The following UNKL variants were observed in gnomAD, a reference collection of about 807,000 sequenced individuals.
UNKL encodes the protein unk like zinc finger, also known as putative E3 ubiquitin-protein ligase UNKL.
In UNKL, 60 loss-of-function variants were observed where a neutral mutation model predicts 78.0. That is an observed-to-expected ratio of 0.77 (90% CI 0.63 to 0.95). UNKL has a LOEUF of 0.95. Ranked by LOEUF, UNKL falls within the 40% of genes least tolerant of loss-of-function variation. The probability of loss-of-function intolerance (pLI) is 0.00; values close to 1 mark genes in which losing one functional copy is unlikely to be tolerated. For synonymous variants in UNKL, 608 were observed against 474.8 expected (o/e 1.28, Z -3.65); for missense variants, 1,159 against 1,045.7 (o/e 1.11, Z -1.49).
rs771207208 is a variant in UNKL at position 1,367,117 on chromosome 16, C to T, written c.2021G>A (p.Arg674His). Reference protein sequence around the residue: ...PKLHSLQSQLRLDLEAVDGVI... With the variant: ...PKLHSLQSQLHLDLEAVDGVI... ...GCCGTCCACCGCCTCCAGGTCCAGG[C>T]GCAGCTGACTCTGCAGCGAGTGCAG... The change falls in exon 14 of 15, where the codon CGC becomes CAC. Residue 674 changes from arginine to histidine, a missense_variant. Physicochemically the swap from Arg to His is conservative, Grantham distance 29 (BLOSUM62 0). Coordinates refer to ENST00000389221, the MANE Select transcript of UNKL (RefSeq NM_001372107.1). 8 of 1,584,154 alleles carry T rather than the reference C, an allele frequency of 5.1e-6. No individual in the cohort carries two copies. In the South Asian group the frequency reaches 8.1e-5, roughly 16 times the overall value.
rs117457780 is a variant in UNKL at position 1,369,103 on chromosome 16, T to C, written c.1585+1027A>G. Among the ~76,000 whole-genome samples, 305 of 127,896 alleles carry C rather than the reference T, an allele frequency of 2.4e-3. 10 individuals are homozygous for C. The East Asian group carries it at 0.075, about 32-fold the overall frequency. 83.9% of individuals were successfully genotyped at this position (127,896 alleles called of 152,430 possible). ...TTTTTTGAAATGGAGTCTAGCTCTATCGCCAGGCTGGATTGGAGTGCAGTG... is the reference window on the plus strand; with the variant it reads ...TTTTTTGAAATGGAGTCTAGCTCTACCGCCAGGCTGGATTGGAGTGCAGTG... On this transcript the variant is annotated intron_variant, in intron 12 of 14. Coordinates refer to ENST00000389221, the MANE Select transcript of UNKL (RefSeq NM_001372107.1).
chr16:1,414,457 G>A (rs1171421679), intron 1 of UNKL, among the ~76,000 whole-genome samples, 158 bp downstream of exon 1: 1 of 151,294 alleles, frequency 6.6e-6, no homozygotes, highest in African/African-American at 2.4e-5. Context: ...CCGACCTCAG[G>A]CGGAGGCCGC....
At chr16:1,395,165 A>AT (rs35706255) in intron 6 of UNKL, among the ~76,000 whole-genome samples, 2,264 of 105,536 alleles carry the variant, frequency 0.021, 33 homozygotes, top group African/African-American at 0.036. Context: ...CGGTCTGTTC[A>AT]TTTTTTTTTT....
At chr16:1,369,848 G>T in intron 12 of UNKL, 1 of 1,180,396 alleles carries the variant, frequency 8.5e-7, no homozygotes, top group Non-Finnish European at 1.2e-6. Flanking sequence ...GGTGGCGCCC[G>T]CCTGTAGTCC....
intron 10 of UNKL, chr16:1,379,647 G>A (rs956655080): frequency 8.1e-6 from 8 of 984,498 alleles, no homozygotes; most frequent in African/African-American, 3.5e-5. Flanking sequence ...CTGACTCACG[G>A]TCCGCGGCCG....
At chr16:1,366,714 C>A (rs1313327486) in intron 14 of UNKL, among the ~76,000 whole-genome samples, 2 of 152,222 alleles carry the variant, frequency 1.3e-5, no homozygotes, top group East Asian at 1.9e-4. Flanking sequence ...ACCCTCTGTC[C>A]TATAGCAGCG....
In UNKL at chr16:1,414,536, G is replaced by C. The variant is rs2038193778; in HGVS notation, c.77+79C>G. On this transcript the variant is annotated intron_variant, in intron 1 of 14. Transcript: ENST00000389221. ...GAGGCCGGGGGGCGCGGGGGCGGCG[G>C]AGGCGGCGCGAGCCCCGGCGGGAGG... The C allele has an allele frequency of 6.8e-6, 3 of 441,486 alleles. No individual in the cohort carries two copies. In the South Asian group the frequency reaches 2.7e-4, roughly 40 times the overall value. The allele number at this position is 441,486 out of a possible 1,614,324, so 27.3% of individuals were successfully genotyped here.
chr16:1,410,119 C>T (rs113389847), intron 2 of UNKL, among the ~76,000 whole-genome samples: 1,714 of 152,062 alleles, frequency 0.011, 32 homozygotes, highest in African/African-American at 0.039. Context: ...GATGCTTTCT[C>T]GCCGGGTGCA....
At position 1,401,641 on chromosome 16, in the gene UNKL, C is replaced by A; in HGVS notation, c.525G>T (p.Pro175=). ...NGQLGGGEGV[P]DLQPGVLASQ... ...TGGCCAAGACCCCAGGCTGCAGATC[C>A]GGGACCCCTTCCCCGCCGCCCAGCT... The change falls in exon 4 of 15, where the codon CCG becomes CCT. Residue 175 remains proline (P), a synonymous_variant. Transcript: ENST00000389221. The A allele has an allele frequency of 6.2e-7, 1 of 1,611,926 alleles. No homozygotes were observed. The highest frequency in any genetic ancestry group is 8.5e-7 in the Non-Finnish European group (1 of 1,179,250).
Position 1,399,140 on chromosome 16 carries a change from G to A in UNKL, c.734+234C>T, listed in dbSNP as rs2037402646. 5 of 1,120,490 alleles carry A rather than the reference G, an allele frequency of 4.5e-6. No individual in the cohort carries two copies. The South Asian group carries it at 8.3e-5, about 19-fold the overall frequency. 69.4% of individuals were successfully genotyped at this position (1,120,490 alleles called of 1,614,324 possible). On this transcript the variant is annotated intron_variant, in intron 5 of 14. Coordinates refer to ENST00000389221, the MANE Select transcript of UNKL (RefSeq NM_001372107.1). The surrounding 1 kb of genome is among the most constrained non-coding windows in gnomAD (Gnocchi z 5.8). ...TTGCCTGGCAGAGGGGCCCCGGTAG[G>A]GGACTGCATGGGAGACACTGAGCGT...
In UNKL at chr16:1,394,174, C is replaced by T. The variant is rs764536679; in HGVS notation, c.894G>A (p.Gly298=). The T allele has an allele frequency of 6.4e-7, 1 of 1,550,620 alleles. No individual in the cohort carries two copies. Among genetic ancestry groups the T allele is most frequent in the African/African-American group, 1.4e-5 (1 of 73,062 alleles). ...CACAGAAGGGGCCGCGCGGGCAGTA[C>T]CCGGTTTGGCGCATGTCGTTGCATT... is the stretch of plus-strand genomic sequence containing the variant. ...STKCNDMRQT[G]YCPRGPFCAF... Residue 298 remains glycine (G), a synonymous_variant, in exon 7 of 15, where the codon GGG becomes GGA. Coordinates refer to ENST00000389221, the MANE Select transcript of UNKL (RefSeq NM_001372107.1).
In UNKL at chr16:1,363,869, T is replaced by TC. The variant is rs1383083536; in HGVS notation, c.*2370dup. ...AGGTGCCACCTCCATCTCCCAGCTG[T>TC]CCCCCCACCCCTGGGGCTCCCCAGC... On this transcript the variant is annotated 3_prime_UTR_variant, in exon 15 of 15. Coordinates refer to ENST00000389221, the MANE Select transcript of UNKL (RefSeq NM_001372107.1). 2.0e-5 allele frequency: 3 copies of TC among 151,776 alleles called. No homozygotes were observed. The highest frequency in any genetic ancestry group is 2.4e-5 in the African/African-American group (1 of 41,232). The allele number at this position is 151,776 out of a possible 1,614,324, so 9.4% of individuals were successfully genotyped here. A position where few individuals can be genotyped will look rare whatever the true frequency, so the allele number is the denominator to read the frequency against.
At chr16:1,406,567 T>C (rs574351233) in intron 2 of UNKL, among the ~76,000 whole-genome samples, 1 of 152,206 alleles carries the variant, frequency 6.6e-6, no homozygotes, top group East Asian at 1.9e-4. Flanking sequence ...CCCAAACTCC[T>C]GGGCTCAAGC....
chr16:1,367,842 G>C lies in UNKL; in HGVS notation c.1602C>G (p.Pro534=). The change falls in exon 13 of 15, where the codon CCC becomes CCG. Residue 534 remains proline, a synonymous_variant. Transcript: ENST00000389221. ...SYSPLGLNGV[P]GSIWDFVSGS... is the part of the protein sequence containing the mutation. ...CGGAAACAAAGTCCCAGATGCTCCC[G>C]GGGACACCGTTCAAACCTGAGTGTG... 1 of 1,571,046 alleles carries C rather than the reference G, an allele frequency of 6.4e-7. No individual in the cohort carries two copies. Among genetic ancestry groups the C allele is most frequent in the Non-Finnish European group, 8.6e-7 (1 of 1,159,220 alleles).
chr16:1,392,988 G>T lies in UNKL; in HGVS notation c.938-12C>A. The T allele has an allele frequency of 6.4e-7, 1 of 1,550,422 alleles. No homozygotes were observed. Among genetic ancestry groups the T allele is most frequent in the Non-Finnish European group, 8.7e-7 (1 of 1,146,940 alleles). ...CATCCCCAGGCTCTCTGCAAGGACA[G>T]GGGAGCAGCAGACTCTGAGGGCCGC... On this transcript the variant is annotated splice_polypyrimidine_tract_variant and intron_variant, in intron 7 of 14. Coordinates refer to ENST00000389221, the MANE Select transcript of UNKL (RefSeq NM_001372107.1).
chr16:1,390,646 G>A lies in UNKL; in HGVS notation c.1072C>T (p.Gln358Ter). The A allele has an allele frequency of 6.5e-7, 1 of 1,536,046 alleles. No homozygotes were observed. Among genetic ancestry groups the A allele is most frequent in the Non-Finnish European group, 8.7e-7 (1 of 1,146,880 alleles). Residue 358 changes from glutamine (Q) to a stop codon, truncating the protein, a stop_gained, in exon 9 of 15, where the codon CAA (glutamine) becomes TAA (stop). Coordinates refer to ENST00000389221, the MANE Select transcript of UNKL (RefSeq NM_001372107.1). LOFTEE classifies it high-confidence loss of function. ...GGGGCCTGTACCTGCTTGCTGTCTT[G>A]CTCGCTGCCCCTAGGGCCACCCTCG... The part of the protein sequence containing the change: ...PAEGGPRGSE[Q>*]DSKQNHLAVF...
intron 2 of UNKL, among the ~76,000 whole-genome samples, chr16:1,410,600 C>A (rs1248491717): frequency 6.6e-6 from 1 of 152,144 alleles, no homozygotes; most frequent in Non-Finnish European, 1.5e-5. Flanking sequence ...TAGAGTGCTG[C>A]CAATCAGTGC....
At chr16:1,380,828 C>T (rs957468153) in intron 10 of UNKL, among the ~76,000 whole-genome samples, 1 of 152,082 alleles carries the variant, frequency 6.6e-6, no homozygotes, top group Non-Finnish European at 1.5e-5. Flanking sequence ...GAGCAAGCCA[C>T]CACACCCAGC....
chr16:1,398,694 C>CCCCCCCCCCCCCCA, intron 5 of UNKL: 3 of 1,227,606 alleles, frequency 2.4e-6, no homozygotes, highest in South Asian at 1.8e-5. Context: ...CCCCCACCCC[C>CCCCCCCCCCCCCCA]CTCTCAGGTG....
Sources: gnomAD v4.1 joint callset for allele counts (sites outside exome capture counted in the v4.1 genomes callset) on GRCh38, gnomAD v4.1.1 for gene constraint, Gnocchi (gnomAD v3.1) non-coding constraint, MANE v1.5 for transcripts, NCBI Gene and HGNC (gene_info 2026-07-23, HGNC 2026-07-21) for gene names.